LRRC14B: variants seen among roughly 807,000 people sequenced by gnomAD.
The protein encoded by LRRC14B is leucine rich repeat containing 14B.
A neutral mutation model predicts 16.9 loss-of-function variants in LRRC14B; 23 were observed. The ratio of observed to expected loss-of-function variants is 1.36; its 90% CI spans 0.98 to 1.92. The LOEUF is 1.92. Ranked by LOEUF, LRRC14B falls within the 30% of genes most tolerant of loss-of-function variation. The pLI, the probability that LRRC14B is intolerant of heterozygous loss-of-function variation, is 0.00. For missense variants in LRRC14B, 766 were observed against 705.7 expected, an observed-to-expected ratio of 1.09 and a Z score of -0.97; for synonymous variants, 358 against 332.5, an observed-to-expected ratio of 1.08 and a Z score of -0.83.
Position 191,603 on chromosome 5 carries a change from C to G in LRRC14B, c.65C>G (p.Ala22Gly), listed in dbSNP as rs567688777. 6.2e-7 allele frequency: 1 copy of G among 1,612,022 alleles called. No homozygotes were observed. Among genetic ancestry groups the G allele is most frequent in the South Asian group, 1.1e-5 (1 of 90,744 alleles). Reference protein sequence around the residue: ...AEALVSHPQVARQSLDSVAHN... With the variant: ...AEALVSHPQVGRQSLDSVAHN... The stretch of plus-strand genomic sequence containing the variant: ...GCTCTGGTGTCCCACCCCCAGGTGG[C>G]CCGGCAGAGCCTGGACAGCGTGGCC... The change falls in exon 1 of 2, where the codon GCC (alanine) becomes GGC (glycine). Residue 22 changes from alanine to glycine, a missense_variant. Transcript: ENST00000328278.
At chr5:193,881 C>T (rs991965356) in intron 1 of LRRC14B, among the ~76,000 whole-genome samples, 22 of 151,992 alleles carry the variant, frequency 1.4e-4, no homozygotes, top group Non-Finnish European at 2.5e-4. Context: ...CTGTGTCCCC[C>T]GGCTCAGCGA....
intron 1 of LRRC14B, among the ~76,000 whole-genome samples, chr5:193,431 G>A (rs1733850264): frequency 6.7e-6 from 1 of 149,492 alleles, no homozygotes; most frequent in Non-Finnish European, 1.5e-5. Flanking sequence ...TCTGGGGGCT[G>A]GGGGCACATG....
intron 1 of LRRC14B, among the ~76,000 whole-genome samples, chr5:193,574 T>C (rs1579349559): frequency 9.2e-6 from 1 of 109,248 alleles, no homozygotes; most frequent in African/African-American, 3.8e-5. Context: ...TGGCTGGCTG[T>C]GGGTCCTGGG....
chr5:191,734 G>A lies in LRRC14B; in HGVS notation c.196G>A (p.Ala66Thr). ...RWPLEEFRLG[A>T]LLGPGADHPQ... ...GCCCCTGGAGGAGTTCCGGCTGGGA[G>A]CGCTGCTGGGTCCTGGTGCCGACCA... Residue 66 changes from alanine to threonine, a missense_variant, in exon 1 of 2, where the codon GCG (alanine) becomes ACG (threonine). Coordinates refer to ENST00000328278, the MANE Select transcript of LRRC14B (RefSeq NM_001080478.3). 1.3e-6 allele frequency: 2 copies of A among 1,567,620 alleles called. No individual in the cohort carries two copies. The highest frequency in any genetic ancestry group is 1.7e-6 in the Non-Finnish European group (2 of 1,157,714).
At position 194,852 on chromosome 5, in the gene LRRC14B, C is replaced by G. The variant is rs762197275; in HGVS notation, c.1044C>G (p.Pro348=). The G allele has an allele frequency of 4.4e-6, 7 of 1,593,762 alleles. No homozygotes were observed. In the Admixed American group the frequency reaches 1.2e-4, roughly 28 times the overall value. ...GACACAACCTGGTCAGCCTGTACCCCTCGACCTTCTTCAGGCTGCTCAGCC... is the reference window on the plus strand; with the variant it reads ...GACACAACCTGGTCAGCCTGTACCCGTCGACCTTCTTCAGGCTGCTCAGCC... The part of the protein sequence containing the change: ...LSGHNLVSLY[P]STFFRLLSQA... Residue 348 remains proline (P), a synonymous_variant, in exon 2 of 2, where the codon CCC becomes CCG. Coordinates refer to ENST00000328278, the MANE Select transcript of LRRC14B (RefSeq NM_001080478.3).
rs1466852406 is a variant in LRRC14B at position 196,040 on chromosome 5, AG to A, written c.*689del. ...GAGGGGCATCCGAGTGGGTGAGCAC[AG>A]GCGTCCGCTGAAGAGCCGCCTGGAC... On this transcript the variant is annotated 3_prime_UTR_variant, in exon 2 of 2. Coordinates refer to ENST00000328278, the MANE Select transcript of LRRC14B (RefSeq NM_001080478.3). 6.5e-6 allele frequency: 1 copy of A among 152,990 alleles called. No individual in the cohort carries two copies. The highest frequency in any genetic ancestry group is 2.4e-5 in the African/African-American group (1 of 41,448). 9.5% of individuals were successfully genotyped at this position (152,990 alleles called of 1,614,324 possible).
At position 195,110 on chromosome 5, in the gene LRRC14B, C is replaced by T. The variant is rs768233137; in HGVS notation, c.1302C>T (p.Ala434=). The T allele has an allele frequency of 2.4e-5, 39 of 1,613,928 alleles. 1 individual carries two copies. The Middle Eastern group carries it at 4.9e-4, about 20-fold the overall frequency. Reference sequence around the variant, plus strand: ...CCAAGGACTGCTACCCCGAGGGTGCCGCCTACCCACAGGACGAGCTGGCCA... The same window carrying T: ...CCAAGGACTGCTACCCCGAGGGTGCTGCCTACCCACAGGACGAGCTGGCCA... ...PVPKDCYPEG[A]AYPQDELAMS... Residue 434 remains alanine, a synonymous_variant, in exon 2 of 2, where the codon GCC becomes GCT. Transcript: ENST00000328278.
rs958906157 is a variant in LRRC14B, at chr5:192,092, G to T, written c.554G>T (p.Arg185Leu). The T allele has an allele frequency of 1.3e-6, 2 of 1,554,196 alleles. No individual in the cohort carries two copies. Among genetic ancestry groups the T allele is most frequent in the East Asian group, 2.4e-5 (1 of 41,814 alleles). ...ALRPAGPAPL[R>L]VHCPSFRADS... ...AGGCCAGCGGGCCCGGCCCCTCTGC[G>T]GGTGCACTGCCCCTCGTTCCGGGCG... Residue 185 changes from arginine to leucine, a missense_variant, in exon 1 of 2, where the codon CGG becomes CTG. Arg to Leu is a moderately radical substitution (Grantham distance 102). Coordinates refer to ENST00000328278, the MANE Select transcript of LRRC14B (RefSeq NM_001080478.3).
chr5:191,646 C>A lies in LRRC14B; in HGVS notation c.108C>A (p.Leu36=). ...LDSVAHNLYP[L]LFKASYLLEQ... ...GCGTGGCCCACAACCTCTACCCACTCCTGTTCAAAGCCAGCTACCTGCTGG... is the reference window on the plus strand; with the variant it reads ...GCGTGGCCCACAACCTCTACCCACTACTGTTCAAAGCCAGCTACCTGCTGG... Residue 36 remains leucine, a synonymous_variant, in exon 1 of 2, where the codon CTC becomes CTA. Coordinates refer to ENST00000328278, the MANE Select transcript of LRRC14B (RefSeq NM_001080478.3). 1 of 1,609,396 alleles carries A rather than the reference C, an allele frequency of 6.2e-7. No homozygotes were observed. The highest frequency in any genetic ancestry group is 8.5e-7 in the Non-Finnish European group (1 of 1,178,372).
At position 191,675 on chromosome 5, in the gene LRRC14B, A is replaced by G. The variant is rs746518732; in HGVS notation, c.137A>G (p.Gln46Arg). ...TTCAAAGCCAGCTACCTGCTGGAGC[A>G]GGCGGAGGTGACGCGCGCGGTGCTG... Reference protein sequence around the residue: ...LLFKASYLLEQAEVTRAVLGR... With the variant: ...LLFKASYLLERAEVTRAVLGR... The change falls in exon 1 of 2, where the codon CAG (glutamine) becomes CGG (arginine). Residue 46 changes from glutamine to arginine, a missense_variant. Physicochemically the swap from Gln to Arg is conservative, Grantham distance 43. Transcript: ENST00000328278. 1 of 1,604,424 alleles carries G rather than the reference A, an allele frequency of 6.2e-7. No individual in the cohort carries two copies. The highest frequency in any genetic ancestry group is 8.5e-7 in the Non-Finnish European group (1 of 1,176,010).
chr5:194,800 C>T lies in LRRC14B; in HGVS notation c.992C>T (p.Ala331Val), dbSNP rs371213530. The change falls in exon 2 of 2, where the codon GCC becomes GTC. Residue 331 changes from alanine (A) to valine (V), a missense_variant. Coordinates refer to ENST00000328278, the MANE Select transcript of LRRC14B (RefSeq NM_001080478.3). The stretch of plus-strand genomic sequence containing the variant: ...TTCTTGGCAGACTGTGCCCACGCTG[C>T]CCACCTGGAGGTGCTGGACCTCAGT... ...MAFLADCAHA[A>V]HLEVLDLSGH... The T allele has an allele frequency of 3.7e-6, 6 of 1,610,482 alleles. No homozygotes were observed. In the East Asian group the frequency reaches 6.7e-5, roughly 18 times the overall value.
chr5:195,283 G>C lies in LRRC14B; in HGVS notation c.1475G>C (p.Gly492Ala), dbSNP rs769306921. The change falls in exon 2 of 2, where the codon GGT (glycine) becomes GCT (alanine). Residue 492 changes from glycine (G) to alanine (A), a missense_variant. By Grantham distance (60) the Gly-to-Ala change is moderately conservative. Coordinates refer to ENST00000328278, the MANE Select transcript of LRRC14B (RefSeq NM_001080478.3). ...ATTCAAGAAACAAGCAATGAGCTTG[G>C]TGCTTTCTTGCTGCAAGCTTTCAAA... ...PDIQETSNEL[G>A]AFLLQAFKTA... 60 of 1,611,452 alleles carry C rather than the reference G, an allele frequency of 3.7e-5. 2 individuals carry two copies. In the South Asian group the frequency reaches 6.4e-4, roughly 17 times the overall value.
Position 195,429 on chromosome 5 carries a change from C to T in LRRC14B, c.*76C>T. Reference sequence around the variant, plus strand: ...CCGGGCTTTAGTCCTGGATCTGAGGCTTGGGCCCGGCATTCATCCCCACCA... The same window carrying T: ...CCGGGCTTTAGTCCTGGATCTGAGGTTTGGGCCCGGCATTCATCCCCACCA... On this transcript the variant is annotated 3_prime_UTR_variant, in exon 2 of 2. Transcript: ENST00000328278. 1 of 1,363,032 alleles carries T rather than the reference C, an allele frequency of 7.3e-7. No homozygotes were observed. Among genetic ancestry groups the T allele is most frequent in the Non-Finnish European group, 9.9e-7 (1 of 1,005,872 alleles). 84.4% of individuals were successfully genotyped at this position (1,363,032 alleles called of 1,614,324 possible).
At chr5:193,171 G>A (rs1733840987) in intron 1 of LRRC14B, among the ~76,000 whole-genome samples, 1 of 151,564 alleles carries the variant, frequency 6.6e-6, no homozygotes. Flanking sequence ...GGGGAACGGG[G>A]TGCCTGGCAA....
rs547451250 is a variant in LRRC14B at position 193,291 on chromosome 5, G to C, written c.899+854G>C. Among the ~76,000 whole-genome samples, 4 of 149,396 alleles carry C rather than the reference G, an allele frequency of 2.7e-5. No individual in the cohort carries two copies. In the South Asian group the frequency reaches 8.6e-4, roughly 32 times the overall value. ...GGTGGGGCAACCTAGCGGTGGGTCC[G>C]GGGGGCACCCAGTTTTGGGTCCTGG... On this transcript the variant is annotated intron_variant, in intron 1 of 1. Coordinates refer to ENST00000328278, the MANE Select transcript of LRRC14B (RefSeq NM_001080478.3).
rs775219349 is a variant in LRRC14B at position 195,101 on chromosome 5, C to T, written c.1293C>T (p.Pro431=). The T allele has an allele frequency of 4.3e-6, 7 of 1,613,798 alleles. No individual in the cohort carries two copies. Among genetic ancestry groups the T allele is most frequent in the Admixed American group, 3.3e-5 (2 of 60,008 alleles). The part of the protein sequence containing the change: ...IEFPVPKDCY[P]EGAAYPQDEL... ...TCCCGGTGCCCAAGGACTGCTACCC[C>T]GAGGGTGCCGCCTACCCACAGGACG... The change falls in exon 2 of 2, where the codon CCC becomes CCT. Residue 431 remains proline (P), a synonymous_variant. Transcript: ENST00000328278.
In LRRC14B at chr5:191,556, A is replaced by C. The variant is rs1478228157; in HGVS notation, c.18A>C (p.Ser6=). The part of the protein sequence containing the change: MDTMR[S]LRFISAEALV... ...CTCGGGCCATGGACACAATGAGGTC[A>C]CTCCGCTTCATTTCTGCAGAAGCTC... The change falls in exon 1 of 2, where the codon TCA becomes TCC. Residue 6 remains serine, a synonymous_variant. Coordinates refer to ENST00000328278, the MANE Select transcript of LRRC14B (RefSeq NM_001080478.3). 6.2e-7 allele frequency: 1 copy of C among 1,611,542 alleles called. No homozygotes were observed. Among genetic ancestry groups the C allele is most frequent in the Admixed American group, 1.7e-5 (1 of 59,928 alleles).
At position 194,781 on chromosome 5, in the gene LRRC14B, G is replaced by T; in HGVS notation, c.973G>T (p.Ala325Ser). The T allele has an allele frequency of 1.2e-6, 2 of 1,613,104 alleles. No homozygotes were observed. Among genetic ancestry groups the T allele is most frequent in the South Asian group, 2.2e-5 (2 of 90,842 alleles). Residue 325 changes from alanine (A) to serine (S), a missense_variant, in exon 2 of 2, where the codon GCA (alanine) becomes TCA (serine). Coordinates refer to ENST00000328278, the MANE Select transcript of LRRC14B (RefSeq NM_001080478.3). Reference sequence around the variant, plus strand: ...GAACCACACGGACATGGCCTTCTTGGCAGACTGTGCCCACGCTGCCCACCT... The same window carrying T: ...GAACCACACGGACATGGCCTTCTTGTCAGACTGTGCCCACGCTGCCCACCT... ...ALNHTDMAFL[A>S]DCAHAAHLEV...
In LRRC14B at chr5:195,566, C is replaced by T. The variant is rs983812856; in HGVS notation, c.*213C>T. Among the ~76,000 whole-genome samples, 10 of 152,230 alleles carry T rather than the reference C, an allele frequency of 6.6e-5. No individual in the cohort carries two copies. The highest frequency in any genetic ancestry group is 1.4e-4 in the African/African-American group (6 of 41,534). On this transcript the variant is annotated 3_prime_UTR_variant, in exon 2 of 2. Coordinates refer to ENST00000328278, the MANE Select transcript of LRRC14B (RefSeq NM_001080478.3). Reference sequence around the variant, plus strand: ...CATGCGGTGCCCTTTAGTGGCAGCACGGCAAGGTTCTGGAGGCGGGGGAAG... The same window carrying T: ...CATGCGGTGCCCTTTAGTGGCAGCATGGCAAGGTTCTGGAGGCGGGGGAAG...
Sources: allele counts gnomAD v4.1 joint callset (sites outside exome capture counted in the v4.1 genomes callset), GRCh38; gene constraint gnomAD v4.1.1; transcripts MANE v1.5; gene names NCBI Gene and HGNC (gene_info 2026-07-23, HGNC 2026-07-21).